Variants in RGS6 observed in about 807,000 individuals in gnomAD.
The protein encoded by RGS6 is regulator of G protein signaling 6.
In RGS6, 30 loss-of-function variants were observed where a neutral mutation model predicts 78.5. The observed-to-expected ratio is 0.38, with a 90% CI of 0.29 to 0.52. The LOEUF is 0.52. Ranked by LOEUF, RGS6 falls within the 20% of genes least tolerant of loss-of-function variation. The pLI is 0.85. For synonymous variants in RGS6, 206 were observed against 206.0 expected (o/e 1.00, Z 0.00); for missense variants, 495 against 609.7 (o/e 0.81, Z 1.98).
chr14:71,996,393 G>A (rs2095207133), intron 2 of RGS6, among the ~76,000 whole-genome samples: 1 of 152,114 alleles, frequency 6.6e-6, no homozygotes, highest in African/African-American at 2.4e-5. Context: ...TAAATAAAGT[G>A]GTAGGTAAGA....
the RGS6 span, among the ~76,000 whole-genome samples, chr14:72,576,128 A>G: frequency 6.6e-6 from 1 of 152,244 alleles, no homozygotes; most frequent in Non-Finnish European, 1.5e-5. Flanking sequence ...CTTGAATACA[A>G]TTGAGGAAAG....
chr14:72,325,668 T>G (rs1049139612), intron 2 of RGS6, among the ~76,000 whole-genome samples: 5 of 152,034 alleles, frequency 3.3e-5, no homozygotes. Context: ...CTTCTTAACA[T>G]GTTAAAAATC....
chr14:71,942,834 G>A (rs1453286292), intron 1 of RGS6, among the ~76,000 whole-genome samples: 2 of 152,038 alleles, frequency 1.3e-5, no homozygotes, highest in East Asian at 3.9e-4. Flanking sequence ...TTCAAAAAAA[G>A]TGTAAATATT....
chr14:72,043,342 T>G (rs1379256301), intron 2 of RGS6, among the ~76,000 whole-genome samples: 1 of 152,174 alleles, frequency 6.6e-6, no homozygotes, highest in Non-Finnish European at 1.5e-5. Flanking sequence ...ATTTTAAATT[T>G]TCTATATATA....
the RGS6 span, among the ~76,000 whole-genome samples, chr14:71,923,261 C>T: frequency 6.6e-6 from 1 of 152,166 alleles, no homozygotes; most frequent in East Asian, 1.9e-4. Flanking sequence ...GAGAATTGTC[C>T]AGGATGGGGA....
downstream of RGS6, among the ~76,000 whole-genome samples, chr14:72,567,881 A>C (rs1011755545): frequency 2.7e-4 from 41 of 152,166 alleles, no homozygotes; most frequent in Non-Finnish European, 4.4e-5. Flanking sequence ...GACTTCCGAC[A>C]CCTGCAGCTG....
At position 72,445,831 on chromosome 14, in the gene RGS6, T is replaced by G. The variant is rs532215846; in HGVS notation, c.185-8697T>G. ...GGGTTGAATTATGTTCTCTCAAAAA[T>G]TCATATATTGAAGTTCTAAACACTA... On this transcript the variant is annotated intron_variant, in intron 3 of 17. Coordinates refer to ENST00000553525, the MANE Select transcript of RGS6 (RefSeq NM_001204424.2). Among the ~76,000 whole-genome samples, 262 of 152,306 alleles carry G rather than the reference T, an allele frequency of 1.7e-3. 2 individuals carry two copies. The highest frequency in any genetic ancestry group is 6.1e-3 in the African/African-American group (255 of 41,580).
At chr14:72,358,177 G>T (rs2080741449) in intron 3 of RGS6, among the ~76,000 whole-genome samples, 1 of 152,308 alleles carries the variant, frequency 6.6e-6, no homozygotes, top group East Asian at 1.9e-4. Flanking sequence ...GAAACACCTG[G>T]ATGTCCAGGC....
chr14:72,550,406 T>TTTTG (rs2097487219), intron 17 of RGS6: 6 of 1,475,126 alleles, frequency 4.1e-6, no homozygotes, highest in Non-Finnish European at 5.5e-6. Context: ...CCCTGGCTTT[T>TTTTG]TTTGTTTGCA....
chr14:72,478,555 G>A (rs1057241275), intron 12 of RGS6, among the ~76,000 whole-genome samples: 10 of 152,134 alleles, frequency 6.6e-5, no homozygotes. Context: ...TACAGGGGGT[G>A]GCCACGGGAC....
At chr14:72,087,576 G>C (rs534570179) in intron 2 of RGS6, among the ~76,000 whole-genome samples, 3 of 151,416 alleles carry the variant, frequency 2.0e-5, no homozygotes, top group African/African-American at 7.3e-5. Context: ...AGAAATACGC[G>C]TATTATAGCT....
chr14:72,414,636 C>G (rs1343410196), intron 3 of RGS6, among the ~76,000 whole-genome samples: 1 of 152,208 alleles, frequency 6.6e-6, no homozygotes, highest in Non-Finnish European at 1.5e-5. Context: ...AGGAGAGGTG[C>G]TCTGATTTTT....
chr14:72,388,083 C>T (rs532023379), intron 3 of RGS6, among the ~76,000 whole-genome samples: 1 of 152,220 alleles, frequency 6.6e-6, no homozygotes, highest in Non-Finnish European at 1.5e-5. Flanking sequence ...GGGATTAGGA[C>T]TCCACATATG....
intron 3 of RGS6, among the ~76,000 whole-genome samples, chr14:72,358,041 G>C (rs753188826): frequency 6.6e-6 from 1 of 152,136 alleles, no homozygotes; most frequent in South Asian, 2.1e-4. Context: ...GGTACAGCTC[G>C]GGCCATGGCT....
intron 2 of RGS6, among the ~76,000 whole-genome samples, chr14:72,125,230 A>G (rs1567256359): frequency 6.6e-6 from 1 of 152,006 alleles, no homozygotes; most frequent in Non-Finnish European, 1.5e-5. Flanking sequence ...AGATTTTACC[A>G]CCTATCCAGG....
At chr14:72,386,161 T>C (rs557040734) in intron 3 of RGS6, among the ~76,000 whole-genome samples, 1 of 152,314 alleles carries the variant, frequency 6.6e-6, no homozygotes, top group African/African-American at 2.4e-5. Flanking sequence ...AACACTGACT[T>C]GGAGCCCATT....
intron 2 of RGS6, among the ~76,000 whole-genome samples, chr14:72,043,597 T>C (rs2092607605): frequency 6.6e-6 from 1 of 152,226 alleles, no homozygotes; most frequent in Non-Finnish European, 1.5e-5. Flanking sequence ...ACAAAATGTC[T>C]GCTGCAACTT....
At chr14:72,577,158 T>A in the RGS6 span, among the ~76,000 whole-genome samples, 1 of 152,234 alleles carries the variant, frequency 6.6e-6, no homozygotes, top group Non-Finnish European at 1.5e-5. Flanking sequence ...GGAGCCTGAA[T>A]TGCCTTCATT....
intron 12 of RGS6, among the ~76,000 whole-genome samples, chr14:72,492,708 C>T (rs773507768): frequency 2.0e-4 from 31 of 152,102 alleles, no homozygotes; most frequent in Non-Finnish European, 1.0e-4. Flanking sequence ...ACCCTCAGCC[C>T]CTCCCCGACC....
Sources: allele counts gnomAD v4.1 joint callset (sites outside exome capture counted in the v4.1 genomes callset), GRCh38; gene constraint gnomAD v4.1.1; transcripts MANE v1.5; gene names NCBI Gene and HGNC (gene_info 2026-07-23, HGNC 2026-07-21).